Variants in VPS13A observed in about 807,000 individuals in gnomAD.
VPS13A encodes vacuolar protein sorting 13 homolog A, also known as intermembrane lipid transfer protein VPS13A.
VPS13A carries 264 observed loss-of-function variants against 390.9 expected under a neutral mutation model. The observed-to-expected ratio is 0.68, with a 90% CI of 0.61 to 0.75. The LOEUF is 0.75. VPS13A is among the 30% of genes least tolerant of loss of function. VPS13A has a pLI of 0.00. For synonymous variants in VPS13A, 1,231 were observed against 1,227.1 expected, an observed-to-expected ratio of 1.00 and a Z score of -0.07; for missense variants, 3,409 against 3,733.9, an observed-to-expected ratio of 0.91 and a Z score of 2.27.
intron 59 of VPS13A, among the ~76,000 whole-genome samples, chr9:77,364,288 G>A (rs1319162514): frequency 6.6e-6 from 1 of 152,130 alleles, no homozygotes; most frequent in African/African-American, 2.4e-5. Context: ...AGCCAGGCGT[G>A]TTGGCAGGTG....
In VPS13A at chr9:77,205,970, TC is replaced by T; in HGVS notation, c.284-6del. ...AGTTATGATTCTTCCTTTTTAATCTTCCTATAGGAATAAAATATGATCCTTT... is the reference window on the plus strand; with the variant it reads ...AGTTATGATTCTTCCTTTTTAATCTTCTATAGGAATAAAATATGATCCTTT... On this transcript the variant is annotated splice_polypyrimidine_tract_variant and splice_region_variant and intron_variant, in intron 4 of 71. Transcript: ENST00000360280. The T allele has an allele frequency of 6.6e-7, 1 of 1,523,260 alleles. No individual in the cohort carries two copies. Among genetic ancestry groups the T allele is most frequent in the Middle Eastern group, 1.8e-4 (1 of 5,530 alleles). 94.4% of individuals were successfully genotyped at this position (1,523,260 alleles called of 1,614,324 possible).
chr9:77,228,632 C>T (rs976285288), intron 17 of VPS13A, among the ~76,000 whole-genome samples: 1 of 152,022 alleles, frequency 6.6e-6, no homozygotes, highest in African/African-American at 2.4e-5. Context: ...ATTGATTTTT[C>T]ACAACTATAT....
At chr9:77,189,132 C>CTTTT (rs542812911) in intron 1 of VPS13A, among the ~76,000 whole-genome samples, 69 of 112,158 alleles carry the variant, frequency 6.2e-4, no homozygotes, top group African/African-American at 2.1e-3. Flanking sequence ...TCCCACTTGC[C>CTTTT]TTTTTTTTTT....
At chr9:77,337,112 A>G in intron 46 of VPS13A, 143 bp from the exon 47 acceptor site, 2 of 923,414 alleles carry the variant, frequency 2.2e-6, no homozygotes, top group East Asian at 2.7e-5. Flanking sequence ...TATCTTACTT[A>G]TATCGTAAAA....
At chr9:77,367,980 T>C (rs559868779) in intron 61 of VPS13A, 75 bp from the exon 62 acceptor site, 1 of 1,303,886 alleles carries the variant, frequency 7.7e-7, no homozygotes, top group African/African-American at 1.5e-5. Flanking sequence ...CTAAAGAAAA[T>C]AAAGCCACTC....
At chr9:77,407,338 G>A (rs1834669464) in intron 70 of VPS13A, among the ~76,000 whole-genome samples, 195 bp from the exon 71 acceptor site, 1 of 152,122 alleles carries the variant, frequency 6.6e-6, no homozygotes. Context: ...GATAATGGTT[G>A]TGTTATTAAT....
intron 22 of VPS13A, among the ~76,000 whole-genome samples, chr9:77,255,981 A>G (rs991609514): frequency 6.6e-6 from 1 of 151,054 alleles, no homozygotes; most frequent in Non-Finnish European, 1.5e-5. Context: ...TTGTTTTTCT[A>G]TATTTTATTT....
chr9:77,202,695 G>T (rs546782766), intron 3 of VPS13A, among the ~76,000 whole-genome samples: 2 of 152,232 alleles, frequency 1.3e-5, no homozygotes, highest in South Asian at 4.1e-4. Context: ...AATATATCAG[G>T]AGAGTAGATA....
chr9:77,410,366 G>A (rs1260805895), intron 71 of VPS13A, among the ~76,000 whole-genome samples: 7 of 152,216 alleles, frequency 4.6e-5, no homozygotes, highest in African/African-American at 1.7e-4. Context: ...GACCATCAAG[G>A]CTAGGAAGAA....
intron 55 of VPS13A, 41 bp downstream of exon 55, chr9:77,356,908 C>T (rs1401290009): frequency 6.2e-7 from 1 of 1,607,284 alleles, no homozygotes; most frequent in Admixed American, 1.7e-5. Context: ...TAATTTTTTG[C>T]CTGTCGTAGT....
At position 77,349,196 on chromosome 9, in the gene VPS13A, CCTCCTTTGTTCT is replaced by C. The variant is rs1831321922; in HGVS notation, c.7290-2116_7290-2105del. ...TCATTGCTTTTCCTTTCCTTTCCTC[CCTCCTTTGTTCT>C]CTCCCTCCCTCCCTTTCTTCCTTCC... On this transcript the variant is annotated intron_variant, in intron 52 of 71. Coordinates refer to ENST00000360280, the MANE Select transcript of VPS13A (RefSeq NM_033305.3). 2.6e-5 allele frequency among the ~76,000 whole-genome samples: 4 copies of C among 152,180 alleles called. No homozygotes were observed. The South Asian group carries it at 8.3e-4, about 32-fold the overall frequency.
intron 23 of VPS13A, among the ~76,000 whole-genome samples, chr9:77,272,951 G>T (rs908032758): frequency 6.6e-6 from 1 of 152,148 alleles, no homozygotes; most frequent in South Asian, 2.1e-4. Context: ...GAGGCTTTAA[G>T]TATTGTGACT....
chr9:77,322,998 T>G, intron 44 of VPS13A, 69 bp from the exon 45 acceptor site: 20 of 1,223,500 alleles, frequency 1.6e-5, no homozygotes, highest in Non-Finnish European at 2.2e-5. Context: ...ATTTCTAATA[T>G]GTAACATATG....
Position 77,207,252 on chromosome 9 carries a change from T to TATATATATATATATATTA in VPS13A, c.385+1174_385+1175insTATATATATATATATTAA. 1.6e-4 allele frequency among the ~76,000 whole-genome samples: 14 copies of TATATATATATATATATTA among 87,250 alleles called. 1 individual carries two copies. The highest frequency in any genetic ancestry group is 1.1e-3 in the East Asian group (3 of 2,714). 57.2% of individuals were successfully genotyped at this position (87,250 alleles called of 152,430 possible). On this transcript the variant is annotated intron_variant, in intron 5 of 71. Transcript: ENST00000360280. Reference sequence around the variant, plus strand: ...ATATATATATATATATATATATATATAAAACGTGTTATATGTAACATAACA... The same window carrying TATATATATATATATATTA: ...ATATATATATATATATATATATATATATATATATATATATATTAAAAACGTGTTATATGTAACATAACA...
At chr9:77,318,832 A>G (rs533709852) in intron 41 of VPS13A, among the ~76,000 whole-genome samples, 2 of 152,150 alleles carry the variant, frequency 1.3e-5, no homozygotes, top group African/African-American at 2.4e-5. Context: ...ATTTCAACTG[A>G]TTTTATCAAC....
chr9:77,230,928 G>A (rs1397036890), intron 17 of VPS13A, among the ~76,000 whole-genome samples: 1 of 151,932 alleles, frequency 6.6e-6, no homozygotes, highest in African/African-American at 2.4e-5. Context: ...TTTGAACAAC[G>A]TTTTACAGTT....
At chr9:77,385,181 T>C (rs1833628071) in intron 68 of VPS13A, 1 of 921,824 alleles carries the variant, frequency 1.1e-6, no homozygotes, top group African/African-American at 1.8e-5. Flanking sequence ...AATAAACATA[T>C]GTAATCTAAA....
intron 22 of VPS13A, 55 bp downstream of exon 22, chr9:77,252,407 G>C (rs1825195287): frequency 2.2e-6 from 3 of 1,368,738 alleles, no homozygotes; most frequent in African/African-American, 1.4e-5. Context: ...TCTGTAGCTA[G>C]GGAAATACCA....
At chr9:77,319,462 T>A in intron 41 of VPS13A, 110 bp from the exon 42 acceptor site, 1 of 725,638 alleles carries the variant, frequency 1.4e-6, no homozygotes, top group Non-Finnish European at 2.4e-6. Flanking sequence ...TATAGGAAGC[T>A]ACTGAATGGC....
Sources: gnomAD v4.1 joint callset for allele counts (sites outside exome capture counted in the v4.1 genomes callset) on GRCh38, gnomAD v4.1.1 for gene constraint, MANE v1.5 for transcripts, NCBI Gene and HGNC (gene_info 2026-07-23, HGNC 2026-07-21) for gene names.